Variants in TRHDE observed in about 807,000 individuals in gnomAD.
The protein encoded by TRHDE is thyrotropin releasing hormone degrading enzyme.
Under a neutral mutation model 125.7 loss-of-function variants are expected in TRHDE, and 72 were observed. That is an observed-to-expected ratio of 0.57 (90% CI 0.47 to 0.70). The LOEUF is 0.70. TRHDE is among the 30% of genes least tolerant of loss of function. TRHDE has a pLI of 0.00. For missense variants in TRHDE, 1,110 were observed against 1,327.1 expected (o/e 0.84, Z 2.54); for synonymous variants, 509 against 509.1 (o/e 1.00, Z 0.00).
intron 2 of TRHDE, among the ~76,000 whole-genome samples, chr12:72,145,783 C>T (rs999852523): frequency 6.6e-6 from 1 of 152,124 alleles, no homozygotes; most frequent in Non-Finnish European, 1.5e-5. Flanking sequence ...GTTTTCTAGT[C>T]CTGATAATTA....
At chr12:72,337,236 G>C (rs559508262) in intron 2 of TRHDE, among the ~76,000 whole-genome samples, 1 of 152,104 alleles carries the variant, frequency 6.6e-6, no homozygotes. Context: ...AGCTGACAGA[G>C]GTCTTTTCCT....
intron 9 of TRHDE, among the ~76,000 whole-genome samples, chr12:72,564,653 A>ATTTTTTTTTTTTTTTTTTTTTTTT (rs538823843): frequency 3.7e-5 from 2 of 54,276 alleles, no homozygotes; most frequent in African/African-American, 6.7e-5. Flanking sequence ...ATGCGTATGA[A>ATTTTTTTTTTTTTTTTTTTTTTTT]TTTTTTTTTT....
intron 2 of TRHDE, among the ~76,000 whole-genome samples, chr12:72,245,243 A>ATGTGTGTGTGTGTG (rs370752757): frequency 3.4e-5 from 5 of 147,230 alleles, no homozygotes; most frequent in African/African-American, 1.2e-4. Context: ...GTTTGTGTGT[A>ATGTGTGTGTGTGTG]TGTGTGTGTG....
intron 12 of TRHDE, among the ~76,000 whole-genome samples, chr12:72,594,685 T>G (rs191923012): frequency 1.3e-5 from 2 of 152,166 alleles, no homozygotes; most frequent in African/African-American, 4.8e-5. Flanking sequence ...AAACTTTTAC[T>G]TATGAACTAC....
intron 2 of TRHDE, among the ~76,000 whole-genome samples, chr12:72,155,663 A>G (rs542344499): frequency 6.6e-6 from 1 of 152,198 alleles, no homozygotes; most frequent in Admixed American, 6.5e-5. Flanking sequence ...TCCACTCCAG[A>G]CCCCGTTTGC....
chr12:72,125,523 A>T (rs1160618890), intron 2 of TRHDE, among the ~76,000 whole-genome samples: 1 of 152,108 alleles, frequency 6.6e-6, no homozygotes, highest in African/African-American at 2.4e-5. Context: ...TACCATCTTT[A>T]ATACTCCTTT....
At chr12:72,520,677 C>T (rs762120060) in intron 6 of TRHDE, among the ~76,000 whole-genome samples, 7 of 152,080 alleles carry the variant, frequency 4.6e-5, no homozygotes, top group Non-Finnish European at 1.0e-4. Context: ...TTTTTCAATC[C>T]TTTGTTTCTT....
rs3081947 is a variant in TRHDE, at chr12:72,578,984, G to GTTTTTTTTTTTTT, written c.2321+3444_2321+3456dup. Among the ~76,000 whole-genome samples the GTTTTTTTTTTTTT allele has an allele frequency of 1.5e-5, 2 of 135,944 alleles. 1 individual carries two copies. Among genetic ancestry groups the GTTTTTTTTTTTTT allele is most frequent in the African/African-American group, 5.4e-5 (2 of 36,894 alleles). 89.2% of individuals were successfully genotyped at this position (135,944 alleles called of 152,430 possible). ...TCTTTACACTTTCTTACTGTTTAGT[G>GTTTTTTTTTTTTT]TTTTTTTTTTTTTTATGAACAGAAA... On this transcript the variant is annotated intron_variant, in intron 12 of 18. Transcript: ENST00000261180.
intron 2 of TRHDE, among the ~76,000 whole-genome samples, chr12:72,266,226 T>G (rs1216725514): frequency 6.6e-6 from 1 of 152,080 alleles, no homozygotes; most frequent in African/African-American, 2.4e-5. Flanking sequence ...TATGTCTGTG[T>G]GACTTTACAT....
chr12:72,351,897 A>G (rs980849625), intron 2 of TRHDE, among the ~76,000 whole-genome samples: 1 of 151,824 alleles, frequency 6.6e-6, no homozygotes, highest in Non-Finnish European at 1.5e-5. Context: ...CTTTTGTACC[A>G]TAGAGTTTTG....
At chr12:72,431,507 G>A (rs952093132) in intron 3 of TRHDE, among the ~76,000 whole-genome samples, 1 of 152,048 alleles carries the variant, frequency 6.6e-6, no homozygotes, top group Non-Finnish European at 1.5e-5. Context: ...AAATTCACAT[G>A]ATGAAAATGG....
chr12:72,632,538 G>C (rs572171273), intron 15 of TRHDE, among the ~76,000 whole-genome samples: 26 of 151,882 alleles, frequency 1.7e-4, no homozygotes, highest in East Asian at 1.4e-3. Context: ...TATGCTCTTA[G>C]AGCTATTTAT....
intron 3 of TRHDE, among the ~76,000 whole-genome samples, chr12:72,381,150 G>C (rs891176984): frequency 6.6e-6 from 1 of 152,078 alleles, no homozygotes; most frequent in Non-Finnish European, 1.5e-5. Flanking sequence ...AGGCTCAGCT[G>C]ATACTGCTAA....
intron 2 of TRHDE, among the ~76,000 whole-genome samples, chr12:72,352,467 C>T (rs1870624927): frequency 6.6e-6 from 1 of 151,600 alleles, no homozygotes; most frequent in African/African-American, 2.4e-5. Flanking sequence ...GCTGTGATAC[C>T]CACTTCCCCA....
At chr12:72,511,937 T>C (rs1174574660) in intron 6 of TRHDE, among the ~76,000 whole-genome samples, 2 of 152,160 alleles carry the variant, frequency 1.3e-5, no homozygotes, top group East Asian at 3.8e-4. Flanking sequence ...ATTCAAAGGA[T>C]TCTTGTTATC....
chr12:72,343,359 T>G (rs1870169535), intron 2 of TRHDE, among the ~76,000 whole-genome samples: 1 of 151,960 alleles, frequency 6.6e-6, no homozygotes, highest in Admixed American at 6.6e-5. Context: ...TATATGCAAA[T>G]TTTGCATCCT....
chr12:72,531,795 G>T (rs1236427184), intron 6 of TRHDE, among the ~76,000 whole-genome samples: 1 of 151,992 alleles, frequency 6.6e-6, no homozygotes, highest in African/African-American at 2.4e-5. Context: ...TGGTATATCT[G>T]CAGTCCCTTG....
chr12:72,146,832 G>T (rs1395972574), intron 2 of TRHDE, among the ~76,000 whole-genome samples: 1 of 152,220 alleles, frequency 6.6e-6, no homozygotes, highest in African/African-American at 2.4e-5. Context: ...CCAGCATCCC[G>T]CAAGAATTGG....
chr12:72,259,515 G>A (rs73336641), intron 2 of TRHDE, among the ~76,000 whole-genome samples: 35,191 of 152,064 alleles, frequency 0.23, 4,770 homozygotes, highest in African/African-American at 0.38. Context: ...GCTCATTGCT[G>A]CTCAGGCATT....
Sources: allele counts gnomAD v4.1 joint callset (sites outside exome capture counted in the v4.1 genomes callset), GRCh38; gene constraint gnomAD v4.1.1; transcripts MANE v1.5; gene names NCBI Gene and HGNC (gene_info 2026-07-23, HGNC 2026-07-21).